Variants in SNX13 observed in about 807,000 individuals in gnomAD.
SNX13 encodes the protein sorting nexin 13, also known as sorting nexin-13.
A neutral mutation model predicts 133.6 loss-of-function variants in SNX13; 45 were observed. The ratio of observed to expected loss-of-function variants is 0.34; its 90% CI spans 0.27 to 0.43. The LOEUF (loss-of-function observed/expected upper bound fraction) is 0.43. Ranked by LOEUF, SNX13 falls within the 20% of genes least tolerant of loss-of-function variation. The probability of loss-of-function intolerance (pLI) is 1.00; values close to 1 mark genes in which losing one functional copy is unlikely to be tolerated. For missense variants in SNX13, 1,032 were observed against 1,145.1 expected, an observed-to-expected ratio of 0.90 and a Z score of 1.43; for synonymous variants, 414 against 373.9, an observed-to-expected ratio of 1.11 and a Z score of -1.24.
At chr7:17,935,524 T>C (rs1393792578) in intron 1 of SNX13, among the ~76,000 whole-genome samples, 2 of 152,238 alleles carry the variant, frequency 1.3e-5, no homozygotes, top group Non-Finnish European at 2.9e-5. Flanking sequence ...CAAGGTGATA[T>C]GTTATTCAGC....
chr7:17,909,138 TAAA>T (rs1218005171), intron 1 of SNX13, among the ~76,000 whole-genome samples: 1 of 151,426 alleles, frequency 6.6e-6, no homozygotes, highest in East Asian at 1.9e-4. Context: ...AAAAAAAAAT[TAAA>T]AAAAACATGA....
chr7:17,867,099 G>A (rs1358372781), intron 9 of SNX13, among the ~76,000 whole-genome samples: 1 of 152,122 alleles, frequency 6.6e-6, no homozygotes, highest in African/African-American at 2.4e-5. Context: ...CCTAGCCAAA[G>A]GAGACTCACT....
intron 9 of SNX13, among the ~76,000 whole-genome samples, chr7:17,861,350 A>T (rs951521289): frequency 1.2e-4 from 17 of 141,400 alleles, no homozygotes; most frequent in Admixed American, 1.4e-4. Flanking sequence ...TCTCACACAC[A>T]CACACACACA....
At chr7:17,862,952 A>T (rs978252772) in intron 9 of SNX13, among the ~76,000 whole-genome samples, 1 of 152,140 alleles carries the variant, frequency 6.6e-6, no homozygotes, top group Non-Finnish European at 1.5e-5. Flanking sequence ...GGTAGGAAAG[A>T]CAGTCTCGTA....
intron 13 of SNX13, among the ~76,000 whole-genome samples, chr7:17,836,384 G>A (rs1015740827): frequency 1.4e-4 from 22 of 151,928 alleles, no homozygotes; most frequent in African/African-American, 5.1e-4. Context: ...CTGGATGTGG[G>A]TGCATGCCTA....
At chr7:17,917,302 A>T (rs987360225) in intron 1 of SNX13, among the ~76,000 whole-genome samples, 17 of 152,200 alleles carry the variant, frequency 1.1e-4, no homozygotes, top group African/African-American at 4.1e-4. Flanking sequence ...TAGTACCAGA[A>T]GTCTTAGAGC....
At chr7:17,902,015 G>C (rs1797892869) in intron 1 of SNX13, among the ~76,000 whole-genome samples, 1 of 152,156 alleles carries the variant, frequency 6.6e-6, no homozygotes, top group African/African-American at 2.4e-5. Context: ...GTCAAAATGA[G>C]TTGATATGGA....
chr7:17,848,938 CTT>C lies in SNX13; in HGVS notation c.1065+1407_1065+1408del, dbSNP rs202046777. On this transcript the variant is annotated intron_variant, in intron 11 of 25. Coordinates refer to ENST00000428135, the MANE Select transcript of SNX13 (RefSeq NM_015132.5). ...TTTACTCTGTTTCTTTGGCTAGACT[CTT>C]TACTTTGTCTTAAACTCTGTTCATT... 2.8e-3 allele frequency among the ~76,000 whole-genome samples: 430 copies of C among 152,350 alleles called. 12 individuals are homozygous for C. Among genetic ancestry groups the C allele is most frequent in the Admixed American group, 0.025 (388 of 15,302 alleles).
At chr7:17,877,148 T>C (rs1794822815) in intron 5 of SNX13, among the ~76,000 whole-genome samples, 2 of 151,558 alleles carry the variant, frequency 1.3e-5, no homozygotes, top group African/African-American at 4.8e-5. Flanking sequence ...CTAAGGTTTG[T>C]TGTATACATG....
intron 21 of SNX13, among the ~76,000 whole-genome samples, chr7:17,802,937 C>A (rs1363047242): frequency 6.6e-6 from 1 of 151,934 alleles, no homozygotes; most frequent in African/African-American, 2.4e-5. Flanking sequence ...GAGGTCTATA[C>A]CCAGTAACGT....
intron 1 of SNX13, among the ~76,000 whole-genome samples, chr7:17,913,524 C>A (rs1230722030): frequency 6.6e-6 from 1 of 152,158 alleles, no homozygotes; most frequent in African/African-American, 2.4e-5. Flanking sequence ...ACCTACTGGA[C>A]TGCAGCCTAA....
At position 17,868,496 on chromosome 7, in the gene SNX13, A is replaced by T; in HGVS notation, c.754-6T>A. 1.3e-6 allele frequency: 2 copies of T among 1,591,078 alleles called. No homozygotes were observed. The highest frequency in any genetic ancestry group is 1.7e-4 in the Middle Eastern group (1 of 5,978). ...ATTCCTCGTGCAAGGATTTCCTGAA[A>T]AAAAAGTAAATAACAAAAACAAATT... On this transcript the variant is annotated splice_region_variant and splice_polypyrimidine_tract_variant and intron_variant, in intron 8 of 25. Coordinates refer to ENST00000428135, the MANE Select transcript of SNX13 (RefSeq NM_015132.5).
At chr7:17,818,372 G>A (rs771646736) in intron 18 of SNX13, among the ~76,000 whole-genome samples, 2 of 152,046 alleles carry the variant, frequency 1.3e-5, no homozygotes, top group African/African-American at 2.4e-5. Context: ...AAAAACCACA[G>A]TAACAGTTAT....
chr7:17,879,315 C>T (rs1371287010), intron 5 of SNX13: 5 of 152,346 alleles, frequency 3.3e-5, no homozygotes, highest in Non-Finnish European at 5.9e-5. Context: ...AGTGATCCTC[C>T]TACCTCAGCC....
chr7:17,886,020 A>G (rs538381212), intron 5 of SNX13, among the ~76,000 whole-genome samples: 2 of 152,342 alleles, frequency 1.3e-5, no homozygotes, highest in East Asian at 3.9e-4. Context: ...AAAAAAGGAT[A>G]AAACTTTGTT....
intron 1 of SNX13, among the ~76,000 whole-genome samples, chr7:17,939,912 C>T (rs1202214079): frequency 6.6e-6 from 1 of 151,784 alleles, no homozygotes; most frequent in Non-Finnish European, 1.5e-5. Flanking sequence ...AGACCTAGGG[C>T]AAACCATAGG....
chr7:17,814,865 T>C lies in SNX13; in HGVS notation c.2033A>G (p.Tyr678Cys). 1 of 1,553,430 alleles carries C rather than the reference T, an allele frequency of 6.4e-7. No individual in the cohort carries two copies. The highest frequency in any genetic ancestry group is 1.4e-5 in the African/African-American group (1 of 71,412). Residue 678 changes from tyrosine to cysteine, a missense_variant, in exon 20 of 26, where the codon TAC becomes TGC. By Grantham distance (194) the Tyr-to-Cys change is radical. Transcript: ENST00000428135. ...YVYDFLENKA[Y>C]SKGKGDFARK... is the part of the protein sequence containing the mutation. Reference sequence around the variant, plus strand: ...AGCAAAATCCCCTTTTCCTTTACTGTAGGCTTTGTTCTCAAGGAAATCATA... The same window carrying C: ...AGCAAAATCCCCTTTTCCTTTACTGCAGGCTTTGTTCTCAAGGAAATCATA...
chr7:17,918,163 C>T (rs575516913), intron 1 of SNX13, among the ~76,000 whole-genome samples: 2 of 152,082 alleles, frequency 1.3e-5, no homozygotes, highest in Non-Finnish European at 2.9e-5. Context: ...GAATTAAAGA[C>T]CTAAAACTGT....
At chr7:17,857,565 C>T (rs193182826) in intron 9 of SNX13, among the ~76,000 whole-genome samples, 223 of 152,152 alleles carry the variant, frequency 1.5e-3, no homozygotes, top group African/African-American at 5.3e-3. Context: ...TGGCGGATCA[C>T]CAGAGGTCAG....
Sources: gnomAD v4.1 joint callset for allele counts (sites outside exome capture counted in the v4.1 genomes callset) on GRCh38, gnomAD v4.1.1 for gene constraint, MANE v1.5 for transcripts, NCBI Gene and HGNC (gene_info 2026-07-23, HGNC 2026-07-21) for gene names.